Variants in TUBB1 observed in about 807,000 individuals in gnomAD.
The protein encoded by TUBB1 is tubulin beta-1 chain.
TUBB1 carries 28 observed loss-of-function variants against 22.6 expected under a neutral mutation model. The ratio of observed to expected loss-of-function variants is 1.24; its 90% confidence interval spans 0.92 to 1.70. TUBB1 has a LOEUF of 1.70. TUBB1 is among the 40% of genes most tolerant of loss of function. The pLI is 0.00. For missense variants in TUBB1, 577 were observed against 605.5 expected, an observed-to-expected ratio of 0.95 and a Z score of 0.49; for synonymous variants, 226 against 238.0, an observed-to-expected ratio of 0.95 and a Z score of 0.46.
rs540292159 is a variant in TUBB1, at chr20:59,023,608, T to C, written c.277+8T>C. 1.2e-6 allele frequency: 2 copies of C among 1,614,166 alleles called. No homozygotes were observed. The highest frequency in any genetic ancestry group is 1.3e-5 in the African/African-American group (1 of 75,036). On this transcript the variant is annotated splice_region_variant and intron_variant, in intron 3 of 3. Coordinates refer to ENST00000217133, the MANE Select transcript of TUBB1 (RefSeq NM_030773.4). ...CCGACAGTTTTGTCCATGGTATGTT[T>C]TTCCAGAAGGTTCCACCAGGAGGAG...
chr20:59,025,047 A>G lies in TUBB1; in HGVS notation c.*264A>G, dbSNP rs183152664. ...TAAAAAAATAGCAAATTTATTGTAA[A>G]GTGCTCCCTTTGTTTCAAAGTGTTT... On this transcript the variant is annotated 3_prime_UTR_variant, in exon 4 of 4. Transcript: ENST00000217133. The G allele has an allele frequency of 2.0e-6, 1 of 505,708 alleles. No homozygotes were observed. Among genetic ancestry groups the G allele is most frequent in the African/African-American group, 1.9e-5 (1 of 52,060 alleles). The allele number at this position is 505,708 out of a possible 1,614,324, so 31.3% of individuals were successfully genotyped here.
In TUBB1 at chr20:59,023,735, AAGGCC is replaced by A; in HGVS notation, c.310_314del (p.Gly104LeufsTer20). The A allele has an allele frequency of 6.2e-7, 1 of 1,614,206 alleles. No individual in the cohort carries two copies. The highest frequency in any genetic ancestry group is 8.5e-7 in the Non-Finnish European group (1 of 1,180,034). ...TCTGGGGCTGGCAACAACTGGGCCAAAGGCCACTACACGGAGGGAGCCGAGCTGAT... is the reference window on the plus strand; with the variant it reads ...TCTGGGGCTGGCAACAACTGGGCCAAACTACACGGAGGGAGCCGAGCTGAT... On this transcript the variant is annotated frameshift_variant, in exon 4 of 4. Coordinates refer to ENST00000217133, the MANE Select transcript of TUBB1 (RefSeq NM_030773.4). LOFTEE classifies it high-confidence loss of function.
upstream of TUBB1, among the ~76,000 whole-genome samples, chr20:59,018,389 C>T (rs118047173): frequency 6.6e-6 from 1 of 151,868 alleles, no homozygotes; most frequent in Non-Finnish European, 1.5e-5. Flanking sequence ...GCTGCCACTC[C>T]TGTACACCGC....
At chr20:59,021,008 G>A (rs553196921) in intron 1 of TUBB1, among the ~76,000 whole-genome samples, 1 of 152,296 alleles carries the variant, frequency 6.6e-6, no homozygotes, top group South Asian at 2.1e-4. Flanking sequence ...CTGCCTTTTG[G>A]CTACTGTGAG....
rs2091995958 is a variant in TUBB1 at position 59,026,623 on chromosome 20, A to T, written c.*1840A>T. The stretch of plus-strand genomic sequence containing the variant: ...TTAAATGGCAAAATTGCTTTATTTC[A>T]GACTAAATAAATTCCTTTTCTTGAA... On this transcript the variant is annotated 3_prime_UTR_variant, in exon 4 of 4. Transcript: ENST00000217133. 6.6e-6 allele frequency: 1 copy of T among 152,256 alleles called. No individual in the cohort carries two copies. Among genetic ancestry groups the T allele is most frequent in the African/African-American group, 2.4e-5 (1 of 41,472 alleles). The allele number at this position is 152,256 out of a possible 1,614,324, so 9.4% of individuals were successfully genotyped here. A position where few individuals can be genotyped will look rare whatever the true frequency, so the allele number is the denominator to read the frequency against.
chr20:59,026,208 A>G lies in TUBB1; in HGVS notation c.*1425A>G, dbSNP rs2091993674. ...TCTTTTCACTTATGCATCACGAGGAAATAACTAAAATACATACCAAGAGAA... is the reference window on the plus strand; with the variant it reads ...TCTTTTCACTTATGCATCACGAGGAGATAACTAAAATACATACCAAGAGAA... On this transcript the variant is annotated 3_prime_UTR_variant, in exon 4 of 4. Coordinates refer to ENST00000217133, the MANE Select transcript of TUBB1 (RefSeq NM_030773.4). 6.6e-6 allele frequency: 1 copy of G among 152,244 alleles called. No homozygotes were observed. The highest frequency in any genetic ancestry group is 6.5e-5 in the Admixed American group (1 of 15,292). The allele number at this position is 152,244 out of a possible 1,614,324, so 9.4% of individuals were successfully genotyped here.
At position 59,024,553 on chromosome 20, in the gene TUBB1, G is replaced by C; in HGVS notation, c.1126G>C (p.Glu376Gln). The C allele has an allele frequency of 6.2e-7, 1 of 1,614,202 alleles. No individual in the cohort carries two copies. Among genetic ancestry groups the C allele is most frequent in the Admixed American group, 1.7e-5 (1 of 60,026 alleles). Residue 376 changes from glutamate (E) to glutamine (Q), a missense_variant, in exon 4 of 4, where the codon GAG becomes CAG. Glu to Gln is a conservative substitution (Grantham distance 29). Transcript: ENST00000217133. This position sits in a 1 kb window ranked among gnomAD's most constrained non-coding sequence, Gnocchi z 4.9. ...CATTGGCAACAACACGGCCATCCAA[G>C]AGATCTTTAATAGGGTCTCTGAGCA... ...TFIGNNTAIQ[E>Q]IFNRVSEHFS...
rs1315644416 is a variant in TUBB1, at chr20:59,026,478, G to A, written c.*1695G>A. 6.6e-6 allele frequency: 1 copy of A among 152,136 alleles called. No individual in the cohort carries two copies. The highest frequency in any genetic ancestry group is 1.5e-5 in the Non-Finnish European group (1 of 68,014). The allele number at this position is 152,136 out of a possible 1,614,324, so 9.4% of individuals were successfully genotyped here. Reference sequence around the variant, plus strand: ...TGCTTTACTTCCCAAACCTAAAAAAGCAATGAAATAGATGTAAGGAAGGAG... The same window carrying A: ...TGCTTTACTTCCCAAACCTAAAAAAACAATGAAATAGATGTAAGGAAGGAG... On this transcript the variant is annotated 3_prime_UTR_variant, in exon 4 of 4. Coordinates refer to ENST00000217133, the MANE Select transcript of TUBB1 (RefSeq NM_030773.4).
At position 59,024,031 on chromosome 20, in the gene TUBB1, A is replaced by G. The variant is rs2091980835; in HGVS notation, c.604A>G (p.Ile202Val). The G allele has an allele frequency of 1.2e-6, 2 of 1,614,216 alleles. No homozygotes were observed. The highest frequency in any genetic ancestry group is 1.7e-6 in the Non-Finnish European group (2 of 1,180,020). ...TGAGAATGCAGATGCCTGTTTCTGC[A>G]TTGACAATGAGGCCCTCTATGACAT... Reference protein sequence around the residue: ...LIENADACFCIDNEALYDICF... With the variant: ...LIENADACFCVDNEALYDICF... The change falls in exon 4 of 4, where the codon ATT (isoleucine) becomes GTT (valine). Residue 202 changes from isoleucine to valine, a missense_variant. By Grantham distance (29) the Ile-to-Val change is conservative (BLOSUM62 3). Transcript: ENST00000217133. This position sits in a 1 kb window ranked among gnomAD's most constrained non-coding sequence, Gnocchi z 4.9.
chr20:59,019,541 A>G lies in TUBB1; in HGVS notation c.19A>G (p.Ile7Val), dbSNP rs1184598369. 5 of 1,614,098 alleles carry G rather than the reference A, an allele frequency of 3.1e-6. No individual in the cohort carries two copies. Among genetic ancestry groups the G allele is most frequent in the Non-Finnish European group, 3.4e-6 (4 of 1,180,034 alleles). The change falls in exon 1 of 4, where the codon ATT becomes GTT. Residue 7 changes from isoleucine (I) to valine (V), a missense_variant. Physicochemically the swap from Ile to Val is conservative, Grantham distance 29. Coordinates refer to ENST00000217133, the MANE Select transcript of TUBB1 (RefSeq NM_030773.4). ...AGCAAGGATGCGTGAAATTGTCCAT[A>G]TTCAGATTGGCCAGTGTGGCAACCA... MREIVH[I>V]QIGQCGNQIG...
rs1427026389 is a variant in TUBB1 at position 59,026,368 on chromosome 20, T to C, written c.*1585T>C. 1 of 152,232 alleles carries C rather than the reference T, an allele frequency of 6.6e-6. No individual in the cohort carries two copies. Among genetic ancestry groups the C allele is most frequent in the East Asian group, 1.9e-4 (1 of 5,202 alleles). The allele number at this position is 152,232 out of a possible 1,614,324, so 9.4% of individuals were successfully genotyped here. A position where few individuals can be genotyped will look rare whatever the true frequency, so the allele number is the denominator to read the frequency against. On this transcript the variant is annotated 3_prime_UTR_variant, in exon 4 of 4. Transcript: ENST00000217133. ...GATTTAGTAAGAAACTCTACCTATA[T>C]ACTTAGTTTGAAGTTAGTAACTTCC...
intron 1 of TUBB1, among the ~76,000 whole-genome samples, chr20:59,019,819 TTAA>T (rs2091959925): frequency 6.6e-6 from 1 of 152,210 alleles, no homozygotes; most frequent in South Asian, 2.1e-4. Flanking sequence ...GTTAATTTAA[TTAA>T]TGTTAATTTT....
In TUBB1 at chr20:59,022,861, G is replaced by C; in HGVS notation, c.74G>C (p.Gly25Ala). The change falls in exon 2 of 4, where the codon GGT (glycine) becomes GCT (alanine). Residue 25 changes from glycine (G) to alanine (A), a missense_variant. Gly to Ala is a moderately conservative substitution (Grantham distance 60). Transcript: ENST00000217133. The part of the protein sequence containing the change: ...QIGAKFWEMI[G>A]EEHGIDLAGS... ...TGCTTTCAGTTCTGGGAGATGATTG[G>C]TGAGGAACACGGGATCGACTTGGCT... The C allele has an allele frequency of 3.1e-6, 5 of 1,614,138 alleles. No individual in the cohort carries two copies. The highest frequency in any genetic ancestry group is 4.2e-6 in the Non-Finnish European group (5 of 1,180,020).
intron 1 of TUBB1, among the ~76,000 whole-genome samples, chr20:59,020,944 G>A (rs1356588783): frequency 6.6e-6 from 1 of 152,240 alleles, no homozygotes; most frequent in East Asian, 1.9e-4. Flanking sequence ...TGCATTAAAA[G>A]TGAGGTTTTG....
rs1479805077 is a variant in TUBB1, at chr20:59,023,617, G to A, written c.277+17G>A. Reference sequence around the variant, plus strand: ...TTGTCCATGGTATGTTTTTCCAGAAGGTTCCACCAGGAGGAGGGGGGGATG... The same window carrying A: ...TTGTCCATGGTATGTTTTTCCAGAAAGTTCCACCAGGAGGAGGGGGGGATG... On this transcript the variant is annotated intron_variant, in intron 3 of 3. Transcript: ENST00000217133. 12 of 1,614,000 alleles carry A rather than the reference G, an allele frequency of 7.4e-6. No individual in the cohort carries two copies. Among genetic ancestry groups the A allele is most frequent in the South Asian group, 1.1e-5 (1 of 91,072 alleles).
upstream of TUBB1, among the ~76,000 whole-genome samples, chr20:59,018,088 C>T (rs1464688814): frequency 5.9e-5 from 9 of 152,238 alleles, no homozygotes; most frequent in Admixed American, 2.0e-4. Flanking sequence ...TCAACAGGCA[C>T]AAGGCAGCGT....
intron 1 of TUBB1, among the ~76,000 whole-genome samples, chr20:59,021,135 C>T (rs1210331596): frequency 2.0e-5 from 3 of 152,152 alleles, no homozygotes; most frequent in Non-Finnish European, 4.4e-5. Context: ...GTAAGACATT[C>T]ATAACTCACA....
chr20:59,018,224 G>A (rs1266436145), upstream of TUBB1, among the ~76,000 whole-genome samples: 1 of 152,174 alleles, frequency 6.6e-6, no homozygotes, highest in Non-Finnish European at 1.5e-5. Flanking sequence ...CCTGGGCAAG[G>A]ATATGGAGCT....
chr20:59,022,026 A>AACAAACAT (rs1568689093), intron 1 of TUBB1, among the ~76,000 whole-genome samples: 2 of 151,420 alleles, frequency 1.3e-5, no homozygotes, highest in Non-Finnish European at 2.9e-5. Flanking sequence ...CAAACAAACA[A>AACAAACAT]ACATAAAAAA....
Sources: gnomAD v4.1 joint callset for allele counts (sites outside exome capture counted in the v4.1 genomes callset) on GRCh38, gnomAD v4.1.1 for gene constraint, Gnocchi (gnomAD v3.1) non-coding constraint, MANE v1.5 for transcripts, NCBI Gene and HGNC (gene_info 2026-07-23, HGNC 2026-07-21) for gene names.